Variants in NFX1 observed in about 807,000 individuals in gnomAD.
NFX1 encodes the protein nuclear transcription factor, X-box binding 1, also known as transcriptional repressor NF-X1.
NFX1 carries 69 observed loss-of-function variants against 137.2 expected under a neutral mutation model. The observed-to-expected ratio is 0.50, with a 90% confidence interval of 0.41 to 0.61. NFX1 has a LOEUF of 0.61. Ranked by LOEUF, NFX1 falls within the 20% of genes least tolerant of loss-of-function variation. NFX1 has a pLI of 0.00. For missense variants in NFX1, 1,167 were observed against 1,391.0 expected (o/e 0.84, Z 2.56); for synonymous variants, 495 against 474.1 (o/e 1.04, Z -0.57).
Position 33,351,591 on chromosome 9 carries a change from A to G in NFX1, c.2456A>G (p.Asp819Gly), listed in dbSNP as rs755131177. 1.9e-6 allele frequency: 3 copies of G among 1,614,120 alleles called. No homozygotes were observed. The highest frequency in any genetic ancestry group is 2.7e-5 in the African/African-American group (2 of 74,946). Residue 819 changes from aspartate to glycine, a missense_variant, in exon 16 of 24, where the codon GAT (aspartate) becomes GGT (glycine). By Grantham distance (94) the Asp-to-Gly change is moderately conservative. Around this residue, in one of 3 missense-constraint regions of NFX1, gnomAD observed 488 missense variants for 691.5 expected, o/e 0.71. Transcript: ENST00000379540. ...AGCAACATCCCCTGTCACCTGGTTG[A>G]TATCTCTTGCGGATTACCCTGCAGT... The part of the protein sequence containing the change: ...FRSNIPCHLV[D>G]ISCGLPCSAT...
chr9:33,351,545 T>G lies in NFX1; in HGVS notation c.2425-15T>G, dbSNP rs370029072. 8.1e-6 allele frequency: 13 copies of G among 1,612,538 alleles called. No individual in the cohort carries two copies. The East Asian group carries it at 8.9e-5, about 11-fold the overall frequency. ...CACATGGAGATGAGAATCTGGCTAC[T>G]TCTGTCTCTCCTAGTTTCGGAGCAA... On this transcript the variant is annotated splice_polypyrimidine_tract_variant and intron_variant, in intron 15 of 23. Coordinates refer to ENST00000379540, the MANE Select transcript of NFX1 (RefSeq NM_002504.6).
chr9:33,303,137 A>G, intron 3 of NFX1, 54 bp from the exon 4 acceptor site: 1 of 1,406,736 alleles, frequency 7.1e-7, no homozygotes, highest in Non-Finnish European at 1.0e-6. Flanking sequence ...TTTTTTAATT[A>G]CATGTAGCTT....
chr9:33,336,798 T>C (rs1003499259), intron 11 of NFX1, among the ~76,000 whole-genome samples: 10 of 152,126 alleles, frequency 6.6e-5, no homozygotes, highest in African/African-American at 2.2e-4. Context: ...TTTAAAAACT[T>C]AATTTTTAAA....
In NFX1 at chr9:33,342,776, G is replaced by A; in HGVS notation, c.2146G>A (p.Gly716Arg). 1 of 1,613,492 alleles carries A rather than the reference G, an allele frequency of 6.2e-7. No homozygotes were observed. The highest frequency in any genetic ancestry group is 1.6e-4 in the Middle Eastern group (1 of 6,062). Residue 716 changes from glycine (G) to arginine (R), a missense_variant, in exon 13 of 24, where the codon GGG becomes AGG. Transcript: ENST00000379540. ...GGAGCACAAGTGTCCTTTGATTTGT[G>A]GGAGGAAACTCCGTTGTGGCCTTCA... Reference protein sequence around the residue: ...DKEHKCPLICGRKLRCGLHRC... With the variant: ...DKEHKCPLICRRKLRCGLHRC...
chr9:33,342,976 A>G (rs1823282791), intron 13 of NFX1, 122 bp downstream of exon 13: 2 of 665,116 alleles, frequency 3.0e-6, no homozygotes, highest in Admixed American at 3.1e-5. Context: ...CGTATTTCCA[A>G]TATGTTGAGA....
At chr9:33,324,287 G>A (rs947444509) in intron 9 of NFX1, among the ~76,000 whole-genome samples, 2 of 152,298 alleles carry the variant, frequency 1.3e-5, no homozygotes, top group African/African-American at 4.8e-5. Context: ...GCTAAGGCAG[G>A]AGAATCGCTT....
At chr9:33,352,902 A>C in intron 17 of NFX1, 183 bp downstream of exon 17, 1 of 554,804 alleles carries the variant, frequency 1.8e-6, no homozygotes, top group South Asian at 2.4e-5. Context: ...TATCCTTGCA[A>C]CTTTTCTAAA....
chr9:33,345,841 AG>A (rs1823402335), intron 14 of NFX1, among the ~76,000 whole-genome samples: 1 of 152,210 alleles, frequency 6.6e-6, no homozygotes, highest in Admixed American at 6.5e-5. Context: ...CTCAGATACC[AG>A]GCCAACAACC....
rs41274037 is a variant in NFX1 at position 33,344,060 on chromosome 9, C to A, written c.2225-9C>A. Reference sequence around the variant, plus strand: ...AAGGATTCTTTTGTTTTACCTGCTGCTCCACCAGGTTTTGATGAATTAACC... The same window carrying A: ...AAGGATTCTTTTGTTTTACCTGCTGATCCACCAGGTTTTGATGAATTAACC... On this transcript the variant is annotated splice_polypyrimidine_tract_variant and intron_variant, in intron 13 of 23. Transcript: ENST00000379540. 0.011 allele frequency: 17,914 copies of A among 1,613,742 alleles called. 234 individuals are homozygous for A. The highest frequency in any genetic ancestry group is 0.046 in the South Asian group (4,213 of 91,060).
chr9:33,341,159 A>G (rs1823205440), intron 12 of NFX1, among the ~76,000 whole-genome samples: 1 of 152,220 alleles, frequency 6.6e-6, no homozygotes, highest in Non-Finnish European at 1.5e-5. Flanking sequence ...GCAAGTTACA[A>G]AAGAAAGAGT....
intron 23 of NFX1, among the ~76,000 whole-genome samples, chr9:33,368,260 G>A (rs1289773754): frequency 1.3e-5 from 2 of 152,040 alleles, no homozygotes; most frequent in Non-Finnish European, 2.9e-5. Flanking sequence ...TAGTTACTCT[G>A]AAGATGCAAG....
chr9:33,362,204 A>G (rs936799889), intron 19 of NFX1, among the ~76,000 whole-genome samples: 1 of 152,172 alleles, frequency 6.6e-6, no homozygotes, highest in Non-Finnish European at 1.5e-5. Context: ...CCACTATGGA[A>G]AACAGTATGG....
At chr9:33,290,772 C>T (rs1481073854) in intron 1 of NFX1, among the ~76,000 whole-genome samples, 175 bp downstream of exon 1, 1 of 152,244 alleles carries the variant, frequency 6.6e-6, no homozygotes, top group African/African-American at 2.4e-5. Flanking sequence ...TCTGTGTCTT[C>T]TTGGACTAGA....
Position 33,290,593 on chromosome 9 carries a change from C to G in NFX1, c.21C>G (p.Val7=), listed in dbSNP as rs777289568. The G allele has an allele frequency of 1.2e-6, 2 of 1,613,814 alleles. No individual in the cohort carries two copies. The highest frequency in any genetic ancestry group is 8.5e-7 in the Non-Finnish European group (1 of 1,179,950). The change falls in exon 1 of 24, where the codon GTC becomes GTG. Residue 7 remains valine (V), a synonymous_variant. Coordinates refer to ENST00000379540, the MANE Select transcript of NFX1 (RefSeq NM_002504.6). ...ACGGGATGGCGGAGGCGCCTCCTGT[C>G]TCAGGTATTGTCCCGGCCCGAGCGG... MAEAPP[V]SGTFKFNTDA...
chr9:33,337,921 C>T (rs111822743), intron 11 of NFX1, among the ~76,000 whole-genome samples: 1 of 152,012 alleles, frequency 6.6e-6, no homozygotes, highest in South Asian at 2.1e-4. Context: ...TGGTGGCGCA[C>T]ACCTGTAATC....
chr9:33,342,323 A>T (rs1397512469), intron 12 of NFX1, among the ~76,000 whole-genome samples: 2 of 151,976 alleles, frequency 1.3e-5, no homozygotes, highest in African/African-American at 4.8e-5. Flanking sequence ...TTAGCCAGGC[A>T]TGGTGGTGGA....
At position 33,365,569 on chromosome 9, in the gene NFX1, CTG is replaced by C. The variant is rs1376177533; in HGVS notation, c.3039+797_3039+798del. The C allele has an allele frequency of 3.3e-5, 5 of 152,302 alleles. No individual in the cohort carries two copies. In the South Asian group the frequency reaches 8.3e-4, roughly 25 times the overall value. 9.4% of individuals were successfully genotyped at this position (152,302 alleles called of 1,614,324 possible). A position where few individuals can be genotyped will look rare whatever the true frequency, so the allele number is the denominator to read the frequency against. On this transcript the variant is annotated intron_variant, in intron 21 of 23. Coordinates refer to ENST00000379540, the MANE Select transcript of NFX1 (RefSeq NM_002504.6). ...CCTGCAGTAAGCTGAGGTTGAGTCA[CTG>C]TACTCCAGCTTGGATCTCCAGCTTG...
intron 15 of NFX1, among the ~76,000 whole-genome samples, chr9:33,351,036 C>T (rs766178202): frequency 8.6e-5 from 13 of 152,016 alleles, no homozygotes; most frequent in Non-Finnish European, 1.9e-4. Context: ...CCCAGCTACT[C>T]GGGAGGCTGA....
intron 9 of NFX1, among the ~76,000 whole-genome samples, chr9:33,327,821 C>T (rs1822652259): frequency 6.6e-6 from 1 of 152,158 alleles, no homozygotes; most frequent in African/African-American, 2.4e-5. Flanking sequence ...AGCATGGATG[C>T]AGGCACCACC....
Sources: gnomAD v4.1 joint callset for allele counts (sites outside exome capture counted in the v4.1 genomes callset) on GRCh38, gnomAD v4.1.1 for gene constraint, gnomAD v4.1.1 regional missense constraint, MANE v1.5 for transcripts, NCBI Gene and HGNC (gene_info 2026-07-23, HGNC 2026-07-21) for gene names.